Variants in USP50 observed in about 807,000 individuals in gnomAD.
USP50 encodes ubiquitin carboxyl-terminal hydrolase 50.
A neutral mutation model predicts 39.2 loss-of-function variants in USP50; 37 were observed. The observed-to-expected ratio is 0.94, with a 90% CI of 0.73 to 1.24. The LOEUF is 1.24. USP50 is among the 50% of genes most tolerant of loss of function. The pLI is 0.00. For missense variants in USP50, 374 were observed against 398.2 expected (o/e 0.94, Z 0.52); for synonymous variants, 139 against 144.5 (o/e 0.96, Z 0.27).
chr15:50,502,212 ATTC>A (rs1566899503), intron 6 of USP50: 1 of 149,526 alleles, frequency 6.7e-6, no homozygotes, highest in African/African-American at 2.5e-5. Context: ...GGTTCAAGCA[ATTC>A]TTCTGCCTCA....
downstream of USP50, chr15:50,493,301 G>C: frequency 1.9e-6 from 1 of 519,224 alleles, no homozygotes; most frequent in Non-Finnish European, 3.8e-6. Context: ...CGTGAATCTG[G>C]TGGTAACCTA....
chr15:50,517,092 T>C (rs562853723), intron 6 of USP50, among the ~76,000 whole-genome samples: 5 of 152,304 alleles, frequency 3.3e-5, no homozygotes, highest in African/African-American at 9.6e-5. Flanking sequence ...TTCCATCCAA[T>C]AGCAACAGAA....
intron 5 of USP50, among the ~76,000 whole-genome samples, chr15:50,532,959 C>T (rs1274162585): frequency 6.6e-6 from 1 of 152,070 alleles, no homozygotes; most frequent in African/African-American, 2.4e-5. Flanking sequence ...AAGAAAGAAT[C>T]TCTGAGCTTG....
intron 6 of USP50, chr15:50,511,067 C>G (rs1490160848): frequency 1.3e-5 from 2 of 152,180 alleles, no homozygotes. Flanking sequence ...CGTCAGCCAC[C>G]GTGCCCGGCC....
chr15:50,519,487 G>A (rs1450192412), intron 6 of USP50, among the ~76,000 whole-genome samples: 2 of 152,102 alleles, frequency 1.3e-5, no homozygotes, highest in South Asian at 2.1e-4. Context: ...GGCCGAGGCG[G>A]GTGGATCACG....
chr15:50,500,568 C>T lies in USP50; in HGVS notation c.*201G>A, dbSNP rs1438348046. 3 of 523,900 alleles carry T rather than the reference C, an allele frequency of 5.7e-6. No homozygotes were observed. The highest frequency in any genetic ancestry group is 6.9e-6 in the Non-Finnish European group (2 of 289,242). 32.5% of individuals were successfully genotyped at this position (523,900 alleles called of 1,614,324 possible). A position where few individuals can be genotyped will look rare whatever the true frequency, so the allele number is the denominator to read the frequency against. ...AAAATGTTAATGATGCAAGTAAGTT[C>T]TAAGAGTTTAATGACCAAGCAAAAC... On this transcript the variant is annotated 3_prime_UTR_variant, in exon 7 of 7. Coordinates refer to ENST00000532404, the MANE Select transcript of USP50 (RefSeq NM_203494.5).
At chr15:50,514,903 C>G (rs995985478) in intron 6 of USP50, among the ~76,000 whole-genome samples, 35 of 144,556 alleles carry the variant, frequency 2.4e-4, no homozygotes, top group Admixed American at 7.4e-5. Context: ...GGCTGAGATG[C>G]GAGAATCACT....
At chr15:50,494,857 A>G (rs1199839580) in intron 1 of USP50, among the ~76,000 whole-genome samples, 1 of 152,166 alleles carries the variant, frequency 6.6e-6, no homozygotes, top group African/African-American at 2.4e-5. Flanking sequence ...TCTACTAAAA[A>G]TACAAAAATT....
intron 6 of USP50, among the ~76,000 whole-genome samples, chr15:50,524,109 A>C (rs1340797061): frequency 6.6e-6 from 1 of 152,264 alleles, no homozygotes. Context: ...CTTATATCAT[A>C]AACAAAAACC....
intron 5 of USP50, among the ~76,000 whole-genome samples, chr15:50,538,273 CAAAAAAAAAAA>C (rs766139797): frequency 2.3e-4 from 4 of 17,316 alleles, no homozygotes; most frequent in Non-Finnish European, 3.3e-4. Flanking sequence ...GAGACTGTCT[CAAAAAAAAAAA>C]AAAAAAAAAA....
At chr15:50,522,288 G>A (rs771281959) in intron 6 of USP50, among the ~76,000 whole-genome samples, 6 of 152,110 alleles carry the variant, frequency 3.9e-5, no homozygotes, top group Non-Finnish European at 8.8e-5. Flanking sequence ...AGCCAGGCAT[G>A]GTGGCATGTG....
downstream of USP50, chr15:50,499,236 G>A: frequency 1.5e-6 from 1 of 661,022 alleles, no homozygotes; most frequent in Non-Finnish European, 2.3e-6. Context: ...TATAATTCCG[G>A]TCAGTGCTGA....
At chr15:50,497,330 T>TA (rs113527256), downstream of USP50, 232,537 of 1,408,832 alleles carry the variant, frequency 0.17, 21,255 homozygotes, top group Admixed American at 0.3. Context: ...CATGGGCACA[T>TA]AACAAAGGGC....
chr15:50,508,064 T>G (rs1269184624), intron 6 of USP50: 2 of 110,970 alleles, frequency 1.8e-5, no homozygotes, highest in Non-Finnish European at 3.5e-5. Flanking sequence ...TGCAAGACTC[T>G]GTCTCAAAAA....
chr15:50,529,930 C>A lies in USP50; in HGVS notation c.804-1G>T. On this transcript the variant is annotated splice_acceptor_variant, in intron 5 of 6. Coordinates refer to ENST00000532404, the MANE Select transcript of USP50 (RefSeq NM_203494.5). LOFTEE classifies it high-confidence loss of function. ...TTTTGTTGTACCCTGAATGTCAAAC[C>A]TGCAGGTATAATAAATGTGTGAAAT... The A allele has an allele frequency of 1.2e-6, 2 of 1,613,446 alleles. No individual in the cohort carries two copies. Among genetic ancestry groups the A allele is most frequent in the South Asian group, 2.2e-5 (2 of 90,946 alleles).
downstream of USP50, chr15:50,493,967 T>C (rs1014689116): frequency 7.8e-7 from 1 of 1,281,392 alleles, no homozygotes. Context: ...AATGTAGTGC[T>C]ACAGTATGTG....
rs2141373914 is a variant in USP50, at chr15:50,533,977, G to T, written c.804-4048C>A. ...ATCATGCCACTGCCCTCCAGGCTGG[G>T]CAACAGAGTGAGACTCCATCTCAAA... On this transcript the variant is annotated intron_variant, in intron 5 of 6. Transcript: ENST00000532404. Among the ~76,000 whole-genome samples the T allele has an allele frequency of 2.0e-5, 3 of 152,212 alleles. 1 individual carries two copies. In the East Asian group the frequency reaches 5.8e-4, roughly 29 times the overall value.
intron 1 of USP50, among the ~76,000 whole-genome samples, chr15:50,494,905 C>T (rs564596426): frequency 6.6e-6 from 1 of 152,008 alleles, no homozygotes; most frequent in Non-Finnish European, 1.5e-5. Flanking sequence ...ATCCCAGCTA[C>T]TCAGGTGGCT....
intron 3 of USP50, 79 bp from the exon 4 acceptor site, chr15:50,541,343 C>T: frequency 7.7e-7 from 1 of 1,306,910 alleles, no homozygotes; most frequent in Non-Finnish European, 1.1e-6. Context: ...GAGATCCCAT[C>T]TCTACAAAAA....
Sources: allele counts gnomAD v4.1 joint callset (sites outside exome capture counted in the v4.1 genomes callset), GRCh38; gene constraint gnomAD v4.1.1; transcripts MANE v1.5; gene names NCBI Gene and HGNC (gene_info 2026-07-23, HGNC 2026-07-21).